PPP1R12A: variants seen among roughly 807,000 people sequenced by gnomAD.
The protein encoded by PPP1R12A is protein phosphatase 1 regulatory subunit 12A, also known as myosin binding subunit.
PPP1R12A carries 19 observed loss-of-function variants against 139.6 expected under a neutral mutation model. That is an observed-to-expected ratio of 0.14 (90% CI 0.09 to 0.20). The LOEUF (loss-of-function observed/expected upper bound fraction) is 0.20, where lower values mean the gene tolerates loss of function less well. Ranked by LOEUF, PPP1R12A falls within the 10% of genes least tolerant of loss-of-function variation. The pLI is 1.00. For synonymous variants in PPP1R12A, 427 were observed against 420.6 expected, an observed-to-expected ratio of 1.02 and a Z score of -0.19; for missense variants, 925 against 1,211.5, an observed-to-expected ratio of 0.76 and a Z score of 3.51.
Position 79,805,778 on chromosome 12 carries a change from C to G in PPP1R12A, c.1824-10G>C. On this transcript the variant is annotated splice_polypyrimidine_tract_variant and intron_variant, in intron 13 of 24. Transcript: ENST00000450142. ...CAAACGATTTGAGGTACTATAGCAT[C>G]ATAAGCAGCAACACAAAAAAGAGAA... The G allele has an allele frequency of 6.2e-7, 1 of 1,601,444 alleles. No homozygotes were observed. The highest frequency in any genetic ancestry group is 8.5e-7 in the Non-Finnish European group (1 of 1,171,912).
rs749485966 is a variant in PPP1R12A, at chr12:79,788,793, ATTAAT to A, written c.2667-15_2667-11del. ...AGAACTGGTTTCATATCTTCAAAAGATTAATTTAAATAAAAAACCTTGTTATAGGC... is the reference window on the plus strand; with the variant it reads ...AGAACTGGTTTCATATCTTCAAAAGATTAAATAAAAAACCTTGTTATAGGC... On this transcript the variant is annotated splice_polypyrimidine_tract_variant and intron_variant, in intron 20 of 24. Transcript: ENST00000450142. The A allele has an allele frequency of 3.2e-6, 5 of 1,568,222 alleles. No individual in the cohort carries two copies. In the African/African-American group the frequency reaches 5.5e-5, roughly 17 times the overall value.
At chr12:79,904,703 T>C (rs1885944667) in intron 1 of PPP1R12A, among the ~76,000 whole-genome samples, 1 of 152,198 alleles carries the variant, frequency 6.6e-6, no homozygotes, top group Non-Finnish European at 1.5e-5. Context: ...TATTAAGCAA[T>C]TGGCTGCTTA....
intron 1 of PPP1R12A, among the ~76,000 whole-genome samples, chr12:79,932,111 ACAAT>A (rs1888296685): frequency 6.6e-6 from 1 of 152,202 alleles, no homozygotes; most frequent in Non-Finnish European, 1.5e-5. Context: ...TATTCAAAAA[ACAAT>A]CAACAATTAA....
intron 8 of PPP1R12A, chr12:79,819,092 A>G (rs927094172): frequency 9.2e-5 from 14 of 152,348 alleles, no homozygotes; most frequent in Admixed American, 6.5e-4. Context: ...CAAAATTATC[A>G]TAGTACAATG....
At chr12:79,918,652 C>T (rs1887189004) in intron 1 of PPP1R12A, among the ~76,000 whole-genome samples, 1 of 152,162 alleles carries the variant, frequency 6.6e-6, no homozygotes, top group African/African-American at 2.4e-5. Flanking sequence ...TTCCAACCCT[C>T]CTGCCGCTAA....
rs749718575 is a variant in PPP1R12A at position 79,820,754 on chromosome 12, C to A, written c.1114+20G>T. 1.6e-5 allele frequency: 25 copies of A among 1,604,716 alleles called. No homozygotes were observed. The South Asian group carries it at 2.6e-4, about 16-fold the overall frequency. On this transcript the variant is annotated intron_variant, in intron 8 of 24. Transcript: ENST00000450142. ...ACTGCCACAAAATTCAACGAAAATG[C>A]ATTTATCTTTTAATTTTACCTGTTT...
intron 8 of PPP1R12A, chr12:79,818,958 T>C (rs1246109717): frequency 1.3e-5 from 2 of 152,188 alleles, no homozygotes; most frequent in African/African-American, 4.8e-5. Flanking sequence ...CCAAATAAAG[T>C]ATGATAAAGC....
chr12:79,891,090 T>A (rs538648112), intron 1 of PPP1R12A, among the ~76,000 whole-genome samples: 1 of 152,114 alleles, frequency 6.6e-6, no homozygotes, highest in Non-Finnish European at 1.5e-5. Context: ...CATTCCTGAA[T>A]CCTTTTCAGA....
At chr12:79,843,912 T>A (rs1445227783) in intron 3 of PPP1R12A, among the ~76,000 whole-genome samples, 1 of 151,456 alleles carries the variant, frequency 6.6e-6, no homozygotes, top group Non-Finnish European at 1.5e-5. Context: ...ACCATGTTGG[T>A]CAGGCTGGTC....
intron 1 of PPP1R12A, among the ~76,000 whole-genome samples, chr12:79,910,336 G>A (rs944730979): frequency 7.9e-5 from 12 of 151,894 alleles, no homozygotes; most frequent in Admixed American, 2.0e-4. Flanking sequence ...AAAAATTAGC[G>A]GGGCTTGGTG....
chr12:79,898,134 C>T (rs1220470404), intron 1 of PPP1R12A, among the ~76,000 whole-genome samples: 3 of 152,136 alleles, frequency 2.0e-5, no homozygotes, highest in Non-Finnish European at 4.4e-5. Context: ...TCCCACTGAT[C>T]CACAATCCCA....
At chr12:79,934,635 C>A (rs1232548827) in intron 1 of PPP1R12A, 60 bp downstream of exon 1, 1 of 1,425,562 alleles carries the variant, frequency 7.0e-7, no homozygotes, top group African/African-American at 1.4e-5. Context: ...AGGGCAGGCC[C>A]GAGCAGGAGG....
intron 1 of PPP1R12A, among the ~76,000 whole-genome samples, chr12:79,929,051 T>C (rs1470777661): frequency 6.6e-6 from 1 of 152,134 alleles, no homozygotes; most frequent in Non-Finnish European, 1.5e-5. Flanking sequence ...TGAATGACAA[T>C]TTTTCCACAG....
chr12:79,778,615 G>T lies in PPP1R12A; in HGVS notation c.2956-15C>A. ...GCTCTTCGTTCCTAGATCGATTTAAGGTACCAATGTTAGTTATATAATTAT... is the reference window on the plus strand; with the variant it reads ...GCTCTTCGTTCCTAGATCGATTTAATGTACCAATGTTAGTTATATAATTAT... On this transcript the variant is annotated splice_polypyrimidine_tract_variant and intron_variant, in intron 23 of 24. Transcript: ENST00000450142. 6.7e-7 allele frequency: 1 copy of T among 1,482,796 alleles called. No homozygotes were observed. Among genetic ancestry groups the T allele is most frequent in the Non-Finnish European group, 9.1e-7 (1 of 1,101,028 alleles). 91.9% of individuals were successfully genotyped at this position (1,482,796 alleles called of 1,614,324 possible).
chr12:79,788,687 G>C lies in PPP1R12A; in HGVS notation c.2763C>G (p.Ser921Arg). The change falls in exon 21 of 25, where the codon AGC (serine) becomes AGG (arginine). Residue 921 changes from serine (S) to arginine (R), a missense_variant. Coordinates refer to ENST00000450142, the MANE Select transcript of PPP1R12A (RefSeq NM_002480.3). ...YSYLEERKPY[S>R]SRLEKDDSTD... is the part of the protein sequence containing the mutation. ...TTGAGTCATCCTTTTCTAGCCTGCT[G>C]CTGTAAGGTTTTCTTTCTTCTAAGT... is the stretch of plus-strand genomic sequence containing the variant. 6.2e-7 allele frequency: 1 copy of C among 1,613,116 alleles called. No individual in the cohort carries two copies. Among genetic ancestry groups the C allele is most frequent in the Non-Finnish European group, 8.5e-7 (1 of 1,179,436 alleles).
intron 9 of PPP1R12A, among the ~76,000 whole-genome samples, chr12:79,811,205 A>G (rs1425754232): frequency 1.3e-5 from 2 of 152,218 alleles, no homozygotes; most frequent in African/African-American, 4.8e-5. Flanking sequence ...TTAGCAGGTT[A>G]ACAGGGCTTG....
rs367594593 is a variant in PPP1R12A at position 79,934,703 on chromosome 12, G to A, written c.229C>T (p.Leu77=). The A allele has an allele frequency of 3.9e-6, 6 of 1,541,520 alleles. No individual in the cohort carries two copies. The African/African-American group carries it at 6.9e-5, about 18-fold the overall frequency. The change falls in exon 1 of 25, where the codon CTG becomes TTG. Residue 77 remains leucine, a synonymous_variant. Coordinates refer to ENST00000450142, the MANE Select transcript of PPP1R12A (RefSeq NM_002480.3). ...NYANVDGLTA[L]HQACIDDNVD... ...CGGCGGGGCGCACAGACCTGGTGCA[G>A]GGCAGTGAGTCCGTCCACATTGGCG...
chr12:79,825,106 T>C (rs932534146), intron 5 of PPP1R12A: 1 of 152,180 alleles, frequency 6.6e-6, no homozygotes, highest in Non-Finnish European at 1.5e-5. Flanking sequence ...CCCAAGGTCA[T>C]ACAGGTCATT....
At chr12:79,831,261 G>C (rs1044980847) in intron 4 of PPP1R12A, among the ~76,000 whole-genome samples, 2 of 152,028 alleles carry the variant, frequency 1.3e-5, no homozygotes, top group African/African-American at 2.4e-5. Context: ...TAGGAAAAAG[G>C]CCTAAATTAT....
Sources: allele counts gnomAD v4.1 joint callset (sites outside exome capture counted in the v4.1 genomes callset), GRCh38; gene constraint gnomAD v4.1.1; transcripts MANE v1.5; gene names NCBI Gene and HGNC (gene_info 2026-07-23, HGNC 2026-07-21).